KCNH1: variants seen among roughly 807,000 people sequenced by gnomAD.
The protein encoded by KCNH1 is voltage-gated delayed rectifier potassium channel KCNH1.
A neutral mutation model predicts 69.2 loss-of-function variants in KCNH1; 27 were observed. That is an observed-to-expected ratio of 0.39 (90% CI 0.29 to 0.54). The LOEUF (loss-of-function observed/expected upper bound fraction) is 0.54, where lower values mean the gene tolerates loss of function less well. Ranked by LOEUF, KCNH1 falls within the 20% of genes least tolerant of loss-of-function variation. The pLI, the probability that KCNH1 is intolerant of heterozygous loss-of-function variation, is 0.68. For missense variants in KCNH1, 798 were observed against 1,261.6 expected (o/e 0.63, Z 5.57); for synonymous variants, 456 against 487.7 (o/e 0.93, Z 0.86).
chr1:210,792,902 T>C (rs754866981), intron 9 of KCNH1, among the ~76,000 whole-genome samples: 4 of 152,192 alleles, frequency 2.6e-5, no homozygotes, highest in Non-Finnish European at 5.9e-5. Flanking sequence ...GACTCATCTA[T>C]GTTGGTGAGT....
chr1:211,094,494 A>T (rs1340196783), intron 3 of KCNH1, among the ~76,000 whole-genome samples: 3 of 152,228 alleles, frequency 2.0e-5, no homozygotes, highest in Admixed American at 1.3e-4. Context: ...CTCAAAGCTT[A>T]ACAGCTAACG....
Position 210,987,156 on chromosome 1 carries a change from T to TA in KCNH1, c.1032+31626_1032+31627insT, listed in dbSNP as rs1209980221. Among the ~76,000 whole-genome samples, 5 of 152,358 alleles carry TA rather than the reference T, an allele frequency of 3.3e-5. No homozygotes were observed. In the East Asian group the frequency reaches 9.6e-4, roughly 29 times the overall value. ...CCATCAGGTCCTTTAAGGACTTCTC[T>TA]GCATTGGTTATTCTAGTTAGCCATT... On this transcript the variant is annotated intron_variant, in intron 6 of 10. Transcript: ENST00000271751.
chr1:210,949,325 C>T (rs1688019808), intron 6 of KCNH1, among the ~76,000 whole-genome samples: 1 of 152,160 alleles, frequency 6.6e-6, no homozygotes, highest in South Asian at 2.1e-4. Flanking sequence ...TATTCCTCAG[C>T]TTTGGCATTT....
At position 210,917,543 on chromosome 1, in the gene KCNH1, ATT is replaced by A. The variant is rs562797160; in HGVS notation, c.1462+2095_1462+2096del. 1.6e-4 allele frequency among the ~76,000 whole-genome samples: 24 copies of A among 152,252 alleles called. No individual in the cohort carries two copies. In the South Asian group the frequency reaches 4.8e-3, roughly 30 times the overall value. On this transcript the variant is annotated intron_variant, in intron 7 of 10. Coordinates refer to ENST00000271751, the MANE Select transcript of KCNH1 (RefSeq NM_172362.3). ...ACCCTTATTATATGCCACCATAACT[ATT>A]TTCTTTTCTTCTAGGTAAGAAGTTG...
At chr1:210,816,482 G>T (rs1370957649) in intron 7 of KCNH1, among the ~76,000 whole-genome samples, 1 of 152,172 alleles carries the variant, frequency 6.6e-6, no homozygotes, top group Non-Finnish European at 1.5e-5. Context: ...TTCTGCAAAT[G>T]AATCAAGAAG....
At chr1:210,921,588 A>C (rs1176550006) in intron 6 of KCNH1, among the ~76,000 whole-genome samples, 1 of 152,194 alleles carries the variant, frequency 6.6e-6, no homozygotes, top group Admixed American at 6.5e-5. Context: ...CAGTTAAACT[A>C]TATTTTGCAG....
At chr1:210,834,619 T>G (rs999373449) in intron 7 of KCNH1, among the ~76,000 whole-genome samples, 62 of 150,252 alleles carry the variant, frequency 4.1e-4, no homozygotes, top group African/African-American at 1.5e-3. Context: ...CACCAGCATG[T>G]CACATGTATA....
chr1:210,755,358 C>G (rs1312146772), intron 10 of KCNH1, among the ~76,000 whole-genome samples: 1 of 152,232 alleles, frequency 6.6e-6, no homozygotes, highest in African/African-American at 2.4e-5. Context: ...GAAAGGACCC[C>G]TGTTCAGGTT....
intron 6 of KCNH1, among the ~76,000 whole-genome samples, chr1:210,927,806 T>C (rs1687601634): frequency 6.6e-6 from 1 of 152,168 alleles, no homozygotes; most frequent in South Asian, 2.1e-4. Flanking sequence ...TTCTGATGTC[T>C]TCAGGAGACT....
intron 5 of KCNH1, among the ~76,000 whole-genome samples, chr1:211,022,199 A>C (rs1237173640): frequency 3.3e-5 from 5 of 152,154 alleles, no homozygotes; most frequent in Non-Finnish European, 5.9e-5. Flanking sequence ...CATTTTCAAC[A>C]AAGGCGCCAA....
intron 6 of KCNH1, among the ~76,000 whole-genome samples, chr1:210,994,334 C>T (rs1043419633): frequency 6.6e-6 from 1 of 152,180 alleles, no homozygotes; most frequent in Non-Finnish European, 1.5e-5. Context: ...AGCAACTGTG[C>T]TAAGTGCCAC....
In KCNH1 at chr1:211,053,887, C is replaced by T. The variant is rs563502465; in HGVS notation, c.558+28893G>A. Among the ~76,000 whole-genome samples, 49 of 152,108 alleles carry T rather than the reference C, an allele frequency of 3.2e-4. 1 individual carries two copies. Among genetic ancestry groups the T allele is most frequent in the Admixed American group, 1.4e-3 (22 of 15,282 alleles). On this transcript the variant is annotated intron_variant, in intron 5 of 10. Transcript: ENST00000271751. Reference sequence around the variant, plus strand: ...GCCTAAATTCTGAAGCAATAAAAAACGAGCAATGTTAGCAGACATGAATAA... The same window carrying T: ...GCCTAAATTCTGAAGCAATAAAAAATGAGCAATGTTAGCAGACATGAATAA...
chr1:210,754,647 G>A (rs945279811), intron 10 of KCNH1, among the ~76,000 whole-genome samples: 15 of 152,054 alleles, frequency 9.9e-5, no homozygotes, highest in South Asian at 6.3e-4. Context: ...ACCGTGTGAC[G>A]TGCCTGCTCC....
At chr1:210,978,333 C>T (rs781731827) in intron 6 of KCNH1, among the ~76,000 whole-genome samples, 9 of 152,130 alleles carry the variant, frequency 5.9e-5, no homozygotes, top group East Asian at 5.8e-4. Flanking sequence ...CCACCGCGCC[C>T]GGCCTCCTTT....
intron 10 of KCNH1, among the ~76,000 whole-genome samples, chr1:210,703,964 G>A (rs1324563180): frequency 2.6e-5 from 4 of 152,176 alleles, no homozygotes. Flanking sequence ...ATAAAGTGCA[G>A]CGTGCACCCC....
chr1:210,684,071 G>C lies in KCNH1; in HGVS notation c.2180C>G (p.Ala727Gly), dbSNP rs1180165310. Residue 727 changes from alanine (A) to glycine (G), a missense_variant, in exon 11 of 11, where the codon GCC becomes GGC. By Grantham distance (60) the Ala-to-Gly change is moderately conservative. Coordinates refer to ENST00000271751, the MANE Select transcript of KCNH1 (RefSeq NM_172362.3). ...EEERMKRKNE[A>G]PLILPPDHPV... ...GTGGTCCGGGGGCAAGATCAGGGGG[G>C]CCTCATTCTTTCGTTTCATGCGTTC... 7.9e-6 allele frequency: 12 copies of C among 1,521,920 alleles called. No homozygotes were observed. Among genetic ancestry groups the C allele is most frequent in the Non-Finnish European group, 8.8e-6 (10 of 1,135,142 alleles). The allele number at this position is 1,521,920 out of a possible 1,614,324, so 94.3% of individuals were successfully genotyped here. A position where few individuals can be genotyped will look rare whatever the true frequency, so the allele number is the denominator to read the frequency against.
chr1:210,729,344 G>T (rs1682685765), intron 10 of KCNH1, among the ~76,000 whole-genome samples: 1 of 152,002 alleles, frequency 6.6e-6, no homozygotes, highest in Non-Finnish European at 1.5e-5. Flanking sequence ...TCCTTTCCTT[G>T]TGCTTCAAAA....
At chr1:210,732,089 C>T in intron 10 of KCNH1, among the ~76,000 whole-genome samples, 1 of 151,934 alleles carries the variant, frequency 6.6e-6, no homozygotes, top group Non-Finnish European at 1.5e-5. Context: ...CAGCTGTGGC[C>T]ATGAGAACAT....
rs576119407 is a variant in KCNH1 at position 210,950,998 on chromosome 1, T to C, written c.1033-30929A>G. On this transcript the variant is annotated intron_variant, in intron 6 of 10. Transcript: ENST00000271751. ...AATAAAAGTTTAACAAGATTATATC[T>C]GAATGTGTAAAGTGCTATAAAGGAC... 1.5e-3 allele frequency among the ~76,000 whole-genome samples: 234 copies of C among 152,324 alleles called. 1 individual carries two copies. The highest frequency in any genetic ancestry group is 5.2e-3 in the African/African-American group (216 of 41,574).
Sources: gnomAD v4.1 joint callset for allele counts (sites outside exome capture counted in the v4.1 genomes callset) on GRCh38, gnomAD v4.1.1 for gene constraint, MANE v1.5 for transcripts, NCBI Gene and HGNC (gene_info 2026-07-23, HGNC 2026-07-21) for gene names.